EDNRA: variants seen among roughly 807,000 people sequenced by gnomAD.
EDNRA encodes endothelin receptor type A.
A neutral mutation model predicts 41.4 loss-of-function variants in EDNRA; 11 were observed. The observed-to-expected ratio is 0.27, with a 90% CI of 0.17 to 0.44. EDNRA has a LOEUF of 0.44. Among genes scored for constraint, EDNRA ranks in the 20% least tolerant of loss-of-function variants. The pLI, the probability that EDNRA is intolerant of heterozygous loss-of-function variation, is 1.00. For synonymous variants in EDNRA, 172 were observed against 183.0 expected, an observed-to-expected ratio of 0.94 and a Z score of 0.49; for missense variants, 294 against 531.0, an observed-to-expected ratio of 0.55 and a Z score of 4.39.
chr4:147,515,531 T>G (rs1267005846), intron 2 of EDNRA, among the ~76,000 whole-genome samples: 4 of 152,122 alleles, frequency 2.6e-5, no homozygotes, highest in African/African-American at 9.7e-5. Context: ...CAGCTCTGGA[T>G]GTGCAATGGG....
In EDNRA at chr4:147,503,831, A is replaced by G. The variant is rs148048480; in HGVS notation, c.421-16020A>G. Reference sequence around the variant, plus strand: ...CCAAATTTTTCTTCATGTATGTTATATTGATGGATATTTATGATGTTACAA... The same window carrying G: ...CCAAATTTTTCTTCATGTATGTTATGTTGATGGATATTTATGATGTTACAA... On this transcript the variant is annotated intron_variant, in intron 2 of 7. Coordinates refer to ENST00000651419, the MANE Select transcript of EDNRA (RefSeq NM_001957.4). Among the ~76,000 whole-genome samples, 7 of 152,226 alleles carry G rather than the reference A, an allele frequency of 4.6e-5. No homozygotes were observed. In the East Asian group the frequency reaches 1.2e-3, roughly 25 times the overall value.
rs561847005 is a variant in EDNRA at position 147,521,252 on chromosome 4, AC to A, written c.548+1275del. On this transcript the variant is annotated intron_variant, in intron 3 of 7. Transcript: ENST00000651419. ...ATAAAAATGTTATTAAAAATAAAAC[AC>A]AAAAAATAATTTCATTAGTAATTTA... Among the ~76,000 whole-genome samples, 4 of 152,352 alleles carry A rather than the reference AC, an allele frequency of 2.6e-5. No homozygotes were observed. In the East Asian group the frequency reaches 7.7e-4, roughly 29 times the overall value.
At chr4:147,512,478 G>A (rs369799062) in intron 2 of EDNRA, among the ~76,000 whole-genome samples, 1 of 152,354 alleles carries the variant, frequency 6.6e-6, no homozygotes, top group Middle Eastern at 3.4e-3. Flanking sequence ...GATGTGGTTA[G>A]TGAGTAGCAA....
rs1728952923 is a variant in EDNRA at position 147,486,536 on chromosome 4, C to T, written c.420+435C>T. Among the ~76,000 whole-genome samples the T allele has an allele frequency of 1.3e-5, 2 of 152,208 alleles. No homozygotes were observed. Among genetic ancestry groups the T allele is most frequent in the Non-Finnish European group, 2.9e-5 (2 of 68,036 alleles). ...ATGCTGTTCAGAAGCCAGATATCTA[C>T]AGTCCAGCTTGAAATGAATTGTATT... On this transcript the variant is annotated intron_variant, in intron 2 of 7. Coordinates refer to ENST00000651419, the MANE Select transcript of EDNRA (RefSeq NM_001957.4). The surrounding 1 kb of genome is among the most constrained non-coding windows in gnomAD (Gnocchi z 4.3).
chr4:147,488,725 T>C (rs890014580), intron 2 of EDNRA: 4 of 152,230 alleles, frequency 2.6e-5, no homozygotes, highest in African/African-American at 9.6e-5. Flanking sequence ...TCCTCTTCTC[T>C]AGGTCATGAG....
chr4:147,517,336 T>C (rs1730149377), intron 2 of EDNRA, among the ~76,000 whole-genome samples: 1 of 152,138 alleles, frequency 6.6e-6, no homozygotes, highest in South Asian at 2.1e-4. Context: ...GAAAGGACAC[T>C]TTGAATGTAG....
chr4:147,497,716 T>C (rs1006505190), intron 2 of EDNRA, among the ~76,000 whole-genome samples: 8 of 151,922 alleles, frequency 5.3e-5, no homozygotes, highest in Non-Finnish European at 1.2e-4. Context: ...GGACTACAGG[T>C]GCCCGCCACC....
intron 2 of EDNRA, chr4:147,506,001 C>CTCT: frequency 2.6e-6 from 1 of 380,652 alleles, no homozygotes; most frequent in South Asian, 2.1e-5. Flanking sequence ...AGCAGTTGCA[C>CTCT]TCTTGAGCAT....
At chr4:147,523,361 A>C (rs1379965518) in intron 3 of EDNRA, among the ~76,000 whole-genome samples, 3 of 150,870 alleles carry the variant, frequency 2.0e-5, no homozygotes, top group Non-Finnish European at 3.0e-5. Flanking sequence ...AAATACTTCT[A>C]TTTCTTTCAG....
intron 2 of EDNRA, among the ~76,000 whole-genome samples, chr4:147,504,245 T>C (rs1345555424): frequency 2.6e-5 from 4 of 152,218 alleles, no homozygotes; most frequent in African/African-American, 9.7e-5. Flanking sequence ...TAAAGATTAG[T>C]TGCAATGTGT....
chr4:147,482,781 T>G (rs1175514041), intron 1 of EDNRA, among the ~76,000 whole-genome samples: 1 of 152,156 alleles, frequency 6.6e-6, no homozygotes, highest in Non-Finnish European at 1.5e-5. Context: ...CCTTACCTCC[T>G]GGCATAATCA....
At chr4:147,540,609 T>G in intron 7 of EDNRA, 124 bp downstream of exon 7, 1 of 645,666 alleles carries the variant, frequency 1.5e-6, no homozygotes, top group East Asian at 2.9e-5. Flanking sequence ...AGCAGTGAAG[T>G]GAAAATCATG....
chr4:147,524,992 G>A (rs757359912), intron 3 of EDNRA, among the ~76,000 whole-genome samples: 50 of 152,188 alleles, frequency 3.3e-4, no homozygotes, highest in Non-Finnish European at 5.9e-4. Context: ...GTGAATCCCT[G>A]CTTTCATTTT....
chr4:147,533,256 T>C (rs1190153524), intron 4 of EDNRA, among the ~76,000 whole-genome samples: 1 of 152,236 alleles, frequency 6.6e-6, no homozygotes, highest in Admixed American at 6.5e-5. Flanking sequence ...GTAGAACTTC[T>C]TAAAATAATA....
At chr4:147,540,538 C>G in intron 7 of EDNRA, 53 bp downstream of exon 7, 1 of 1,277,414 alleles carries the variant, frequency 7.8e-7, no homozygotes. Context: ...GTATATTAAA[C>G]AGTCAACAGA....
At chr4:147,532,752 C>A (rs762470154) in intron 4 of EDNRA, 48 bp downstream of exon 4, 1 of 1,580,184 alleles carries the variant, frequency 6.3e-7, no homozygotes, top group Non-Finnish European at 8.7e-7. Context: ...GGAGGTCCTC[C>A]GTTAGACTTC....
Position 147,544,251 on chromosome 4 carries a change from C to T in EDNRA, c.*1633C>T, listed in dbSNP as rs1731214605. 1 of 153,068 alleles carries T rather than the reference C, an allele frequency of 6.5e-6. No homozygotes were observed. The highest frequency in any genetic ancestry group is 6.6e-5 in the Admixed American group (1 of 15,266). 9.5% of individuals were successfully genotyped at this position (153,068 alleles called of 1,614,324 possible). A position where few individuals can be genotyped will look rare whatever the true frequency, so the allele number is the denominator to read the frequency against. On this transcript the variant is annotated 3_prime_UTR_variant, in exon 8 of 8. Coordinates refer to ENST00000651419, the MANE Select transcript of EDNRA (RefSeq NM_001957.4). ...TTCATAAATCTTGTAATCATGTTACCATTACAAATGGGATATAAGAGGCAG... is the reference window on the plus strand; with the variant it reads ...TTCATAAATCTTGTAATCATGTTACTATTACAAATGGGATATAAGAGGCAG...
intron 4 of EDNRA, among the ~76,000 whole-genome samples, chr4:147,535,021 T>G (rs140670479): frequency 6.6e-6 from 1 of 152,220 alleles, no homozygotes; most frequent in Non-Finnish European, 1.5e-5. Context: ...TTTTTTACTG[T>G]GGGAACTGCA....
chr4:147,488,029 T>C (rs1484870384), intron 2 of EDNRA: 1 of 152,240 alleles, frequency 6.6e-6, no homozygotes, highest in Admixed American at 6.5e-5. Context: ...AAATTTTGAC[T>C]CTTCAGCCAT....
Sources: allele counts gnomAD v4.1 joint callset (sites outside exome capture counted in the v4.1 genomes callset), GRCh38; gene constraint gnomAD v4.1.1; non-coding constraint Gnocchi (gnomAD v3.1); transcripts MANE v1.5; gene names NCBI Gene and HGNC (gene_info 2026-07-23, HGNC 2026-07-21).